RPH3AL: variants seen among roughly 807,000 people sequenced by gnomAD.
RPH3AL encodes the protein rabphilin 3A like (without C2 domains), also known as rab effector Noc2.
A neutral mutation model predicts 43.1 loss-of-function variants in RPH3AL; 38 were observed. The observed-to-expected ratio is 0.88, with a 90% CI of 0.68 to 1.15. The LOEUF (loss-of-function observed/expected upper bound fraction) is 1.15, where lower values mean the gene tolerates loss of function less well. Among genes scored for constraint, RPH3AL ranks in the 50% most tolerant of loss-of-function variants. The pLI is 0.00. For missense variants in RPH3AL, 462 were observed against 423.2 expected (o/e 1.09, Z -0.81); for synonymous variants, 189 against 176.3 (o/e 1.07, Z -0.57).
chr17:311,391 C>G (rs1242312119), intron 5 of RPH3AL, among the ~76,000 whole-genome samples: 1 of 152,166 alleles, frequency 6.6e-6, no homozygotes, highest in African/African-American at 2.4e-5. Flanking sequence ...GTGTGGTCTT[C>G]CCCTCCCCGG....
At position 225,654 on chromosome 17, in the gene RPH3AL, C is replaced by T. The variant is rs149512001; in HGVS notation, c.614-5918G>A. 1.0e-3 allele frequency among the ~76,000 whole-genome samples: 156 copies of T among 152,248 alleles called. 2 individuals carry two copies. Among genetic ancestry groups the T allele is most frequent in the African/African-American group, 3.6e-3 (151 of 41,542 alleles). ...CAGTCCTGCGGAGGGTGGGGTGGCT[C>T]GTCTGCACACCGGTTTCCGCCTCTC... On this transcript the variant is annotated intron_variant, in intron 7 of 9. Coordinates refer to ENST00000331302, the MANE Select transcript of RPH3AL (RefSeq NM_006987.4). The surrounding 1 kb of genome is among the most constrained non-coding windows in gnomAD (Gnocchi z 4.4).
At chr17:334,227 C>T (rs1598154936) in intron 1 of RPH3AL, among the ~76,000 whole-genome samples, 3 of 152,358 alleles carry the variant, frequency 2.0e-5, no homozygotes, top group East Asian at 3.9e-4. Context: ...CCAGGAGAAC[C>T]GCGGCTCGAC....
chr17:325,831 T>G (rs2044605984), intron 3 of RPH3AL, among the ~76,000 whole-genome samples: 1 of 152,190 alleles, frequency 6.6e-6, no homozygotes. Context: ...GCAGCCCAGA[T>G]ATCCCTGAGG....
intron 1 of RPH3AL, among the ~76,000 whole-genome samples, chr17:344,027 A>T (rs2045187173): frequency 1.4e-5 from 1 of 69,024 alleles, no homozygotes; most frequent in Admixed American, 1.3e-4. Flanking sequence ...CATCACTATC[A>T]TCACCCCCAT....
intron 2 of RPH3AL, chr17:332,007 A>G (rs1021523143): frequency 1.6e-6 from 1 of 619,432 alleles, no homozygotes; most frequent in South Asian, 1.7e-5. Context: ...CAGAGGCAGG[A>G]GGTTCTGTGG....
intron 7 of RPH3AL, 67 bp from the exon 8 acceptor site, chr17:219,803 G>GCCTGCCCTCGTCCCTCC: frequency 1.6e-6 from 2 of 1,228,734 alleles, no homozygotes; most frequent in Non-Finnish European, 2.4e-6. Flanking sequence ...ATGGACGGAG[G>GCCTGCCCTCGTCCCTCC]GACGAGGGCA....
rs940896759 is a variant in RPH3AL at position 314,528 on chromosome 17, G to A, written c.351+4892C>T. ...ACGTCCATTGACCTGTAGTCCCTGT[G>A]ACTCCACCTCCATTGACCTGTAGTC... On this transcript the variant is annotated intron_variant, in intron 5 of 9. Coordinates refer to ENST00000331302, the MANE Select transcript of RPH3AL (RefSeq NM_006987.4). Among the ~76,000 whole-genome samples, 70 of 107,398 alleles carry A rather than the reference G, an allele frequency of 6.5e-4. 1 individual carries two copies. The highest frequency in any genetic ancestry group is 2.4e-3 in the African/African-American group (70 of 28,704). The allele number at this position is 107,398 out of a possible 152,430, so 70.5% of individuals were successfully genotyped here. A position where few individuals can be genotyped will look rare whatever the true frequency, so the allele number is the denominator to read the frequency against.
At chr17:268,439 C>T (rs1287373994) in intron 6 of RPH3AL, among the ~76,000 whole-genome samples, 2 of 149,316 alleles carry the variant, frequency 1.3e-5, no homozygotes, top group African/African-American at 4.9e-5. Flanking sequence ...ATATAATATA[C>T]AAAATATGTG....
chr17:272,783 C>CAT (rs1370231915), intron 6 of RPH3AL, among the ~76,000 whole-genome samples: 4 of 151,346 alleles, frequency 2.6e-5, no homozygotes, highest in African/African-American at 7.3e-5. Flanking sequence ...CACACACACA[C>CAT]ACACACCAAA....
At chr17:244,190 T>A (rs1262605809) in intron 7 of RPH3AL, among the ~76,000 whole-genome samples, 2 of 147,786 alleles carry the variant, frequency 1.4e-5, no homozygotes, top group Admixed American at 1.4e-4. Flanking sequence ...CCTCTATTGA[T>A]TACCCTTCCT....
intron 3 of RPH3AL, among the ~76,000 whole-genome samples, chr17:325,952 G>C (rs570432363): frequency 6.6e-6 from 1 of 152,336 alleles, no homozygotes; most frequent in South Asian, 2.1e-4. Flanking sequence ...GGGGATAAAA[G>C]CATTCTCTCT....
At chr17:266,691 C>G (rs1256933663) in intron 6 of RPH3AL, among the ~76,000 whole-genome samples, 2 of 152,232 alleles carry the variant, frequency 1.3e-5, no homozygotes, top group Non-Finnish European at 2.9e-5. Flanking sequence ...ACTGCCAGCA[C>G]AGTAGAAAGG....
chr17:229,087 C>G (rs1046312664), intron 7 of RPH3AL, among the ~76,000 whole-genome samples: 1 of 152,234 alleles, frequency 6.6e-6, no homozygotes, highest in African/African-American at 2.4e-5. Flanking sequence ...ATCTAATCCA[C>G]CCCCTCCAGG....
At chr17:349,028 G>A (rs1016071375) in intron 1 of RPH3AL, 2 of 152,226 alleles carry the variant, frequency 1.3e-5, no homozygotes, top group Admixed American at 1.3e-4. Flanking sequence ...AAATGCTGAG[G>A]CCATGCAAAG....
intron 7 of RPH3AL, among the ~76,000 whole-genome samples, chr17:242,919 C>CCTTTCCTCTATTGACTA: frequency 1.7e-5 from 1 of 58,102 alleles, no homozygotes; most frequent in Non-Finnish European, 3.6e-5. Context: ...CTATTGATTA[C>CCTTTCCTCTATTGACTA]CCTTCCTCTA....
rs1386525304 is a variant in RPH3AL, at chr17:264,243, G to C, written c.439-16958C>G. The stretch of plus-strand genomic sequence containing the variant: ...CCGAATAGAACCACCCTACCTCAAA[G>C]TTCTGGCTGACAGCAGGATTACCCT... On this transcript the variant is annotated intron_variant, in intron 6 of 9. Transcript: ENST00000331302. The surrounding 1 kb of genome is among the most constrained non-coding windows in gnomAD (Gnocchi z 4.8). Among the ~76,000 whole-genome samples the C allele has an allele frequency of 1.3e-5, 2 of 152,078 alleles. No homozygotes were observed. Among genetic ancestry groups the C allele is most frequent in the African/African-American group, 4.8e-5 (2 of 41,354 alleles).
chr17:285,460 G>A lies in RPH3AL; in HGVS notation c.352-3606C>T, dbSNP rs112856753. Among the ~76,000 whole-genome samples the A allele has an allele frequency of 1.7e-3, 258 of 152,318 alleles. 1 individual carries two copies. The highest frequency in any genetic ancestry group is 5.7e-3 in the African/African-American group (235 of 41,566). ...AGCAACCAGCACGTAATAGCGACTC[G>A]ATAAATGCCAGCTGCGGTTAGTGCA... On this transcript the variant is annotated intron_variant, in intron 5 of 9. Transcript: ENST00000331302.
At chr17:296,827 A>T (rs376582581) in intron 5 of RPH3AL, among the ~76,000 whole-genome samples, 4 of 152,244 alleles carry the variant, frequency 2.6e-5, no homozygotes, top group African/African-American at 9.6e-5. Flanking sequence ...TGAAACGTGG[A>T]TCAATGCTGC....
intron 1 of RPH3AL, among the ~76,000 whole-genome samples, chr17:344,340 CATT>C (rs1454759368): frequency 3.1e-5 from 4 of 130,786 alleles, no homozygotes; most frequent in African/African-American, 7.9e-5. Flanking sequence ...TCACCGTCAT[CATT>C]ATTACCATCA....
Sources: allele counts gnomAD v4.1 joint callset (sites outside exome capture counted in the v4.1 genomes callset), GRCh38; gene constraint gnomAD v4.1.1; non-coding constraint Gnocchi (gnomAD v3.1); transcripts MANE v1.5; gene names NCBI Gene and HGNC (gene_info 2026-07-23, HGNC 2026-07-21).